ATP1A2: variants seen among roughly 807,000 people sequenced by gnomAD.
The protein encoded by ATP1A2 is sodium/potassium-transporting ATPase subunit alpha-2.
ATP1A2 carries 56 observed loss-of-function variants against 113.1 expected under a neutral mutation model. The observed-to-expected ratio is 0.49, with a 90% CI of 0.40 to 0.62. The LOEUF (loss-of-function observed/expected upper bound fraction) is 0.62, where lower values mean the gene tolerates loss of function less well. Ranked by LOEUF, ATP1A2 falls within the 20% of genes least tolerant of loss-of-function variation. The probability of loss-of-function intolerance (pLI) is 0.00; values close to 1 mark genes in which losing one functional copy is unlikely to be tolerated. For synonymous variants in ATP1A2, 490 were observed against 526.8 expected (o/e 0.93, Z 0.96); for missense variants, 712 against 1,357.8 (o/e 0.52, Z 7.47).
rs778274408 is a variant in ATP1A2, at chr1:160,130,186, T to G, written c.1546T>G (p.Ser516Ala). The change falls in exon 12 of 23, where the codon TCC becomes GCC. Residue 516 changes from serine (S) to alanine (A), a missense_variant. Physicochemically the swap from Ser to Ala is moderately conservative, Grantham distance 99. Coordinates refer to ENST00000361216, the MANE Select transcript of ATP1A2 (RefSeq NM_000702.4). ...GAPERILDRC[S>A]TILVQGKEIP... ...CCCAGAGCGCATTCTGGACCGGTGC[T>G]CCACCATCCTGGTGCAGGGCAAGGA... is the stretch of plus-strand genomic sequence containing the variant. The G allele has an allele frequency of 3.7e-6, 6 of 1,614,192 alleles. No individual in the cohort carries two copies. The highest frequency in any genetic ancestry group is 1.6e-4 in the Middle Eastern group (1 of 6,062).
intron 22 of ATP1A2, chr1:160,140,843 CTTCTTTTTTTTTTTTTTT>C: frequency 6.3e-6 from 1 of 158,884 alleles, no homozygotes; most frequent in South Asian, 1.2e-4. Flanking sequence ...TCCCTTTCAC[CTTCTTTTTTTTTTTTTTT>C]TTTTTTTTTT....
At chr1:160,139,119 A>AT (rs1652052332) in intron 20 of ATP1A2, among the ~76,000 whole-genome samples, 1 of 152,204 alleles carries the variant, frequency 6.6e-6, no homozygotes, top group East Asian at 1.9e-4. Flanking sequence ...CTGCTTTTCA[A>AT]TTCTGATAAA....
chr1:160,141,440 A>G lies in ATP1A2; in HGVS notation c.*118A>G, dbSNP rs1570999487. 2 of 1,335,080 alleles carry G rather than the reference A, an allele frequency of 1.5e-6. No individual in the cohort carries two copies. The highest frequency in any genetic ancestry group is 2.3e-5 in the East Asian group (1 of 43,238). The allele number at this position is 1,335,080 out of a possible 1,614,324, so 82.7% of individuals were successfully genotyped here. A position where few individuals can be genotyped will look rare whatever the true frequency, so the allele number is the denominator to read the frequency against. On this transcript the variant is annotated 3_prime_UTR_variant, in exon 23 of 23. Coordinates refer to ENST00000361216, the MANE Select transcript of ATP1A2 (RefSeq NM_000702.4). ...ATTGGGTGGCAACATTTGGGGAGAG[A>G]TAATGAGGCAACTCAGCAGGCTAAG...
chr1:160,131,029 T>C (rs1453102374), intron 13 of ATP1A2, among the ~76,000 whole-genome samples: 1 of 152,136 alleles, frequency 6.6e-6, no homozygotes, highest in East Asian at 1.9e-4. Context: ...CCACTCAAGG[T>C]TCTCTTGTTC....
intron 3 of ATP1A2, 136 bp from the exon 4 acceptor site, chr1:160,123,077 G>A: frequency 1.0e-6 from 1 of 979,930 alleles, no homozygotes; most frequent in Non-Finnish European, 1.6e-6. Context: ...TCTCCTGATG[G>A]TCCCCCACCC....
At chr1:160,141,271 T>G in intron 22 of ATP1A2, 23 bp from the exon 23 acceptor site, 2 of 1,613,910 alleles carry the variant, frequency 1.2e-6, no homozygotes, top group Non-Finnish European at 1.7e-6. Context: ...TGCTGCAATC[T>G]CCACTCCCAA....
intron 13 of ATP1A2, among the ~76,000 whole-genome samples, chr1:160,132,463 C>T (rs369140732): frequency 2.6e-5 from 4 of 152,066 alleles, no homozygotes; most frequent in African/African-American, 9.7e-5. Flanking sequence ...ATAGTTCAGG[C>T]AAAGAATGAT....
At chr1:160,130,865 T>G (rs1651750213) in intron 13 of ATP1A2, among the ~76,000 whole-genome samples, 1 of 152,160 alleles carries the variant, frequency 6.6e-6, no homozygotes, top group African/African-American at 2.4e-5. Flanking sequence ...TACCCTTCCA[T>G]TCTGATTTGA....
At chr1:160,129,127 G>T in intron 10 of ATP1A2, 38 bp downstream of exon 10, 1 of 1,508,436 alleles carries the variant, frequency 6.6e-7, no homozygotes, top group South Asian at 1.1e-5. Flanking sequence ...TGTTTTGGGG[G>T]TGTCTCCAAA....
At chr1:160,139,793 C>A in intron 21 of ATP1A2, 52 bp downstream of exon 21, 1 of 1,612,210 alleles carries the variant, frequency 6.2e-7, no homozygotes, top group Non-Finnish European at 8.5e-7. Flanking sequence ...GCCTTCAGCC[C>A]CCTCCAGGAT....
chr1:160,120,767 C>T, intron 1 of ATP1A2, 139 bp from the exon 2 acceptor site: 1 of 828,950 alleles, frequency 1.2e-6, no homozygotes, highest in Non-Finnish European at 2.0e-6. Context: ...CCCTCACCCT[C>T]CATCCCCCCT....
At chr1:160,129,916 C>A (rs1437864718) in intron 11 of ATP1A2, among the ~76,000 whole-genome samples, 186 bp from the exon 12 acceptor site, 2 of 152,158 alleles carry the variant, frequency 1.3e-5, no homozygotes, top group African/African-American at 4.8e-5. Context: ...ACGGAGGTGG[C>A]TCTCAGGTTA....
chr1:160,122,780 C>T (rs759269668), intron 3 of ATP1A2, among the ~76,000 whole-genome samples: 22 of 152,012 alleles, frequency 1.4e-4, no homozygotes, highest in Non-Finnish European at 2.8e-4. Flanking sequence ...TATAATTGCA[C>T]CACTGCGCTC....
At chr1:160,136,140 C>G (rs903436773) in intron 17 of ATP1A2, 107 bp from the exon 18 acceptor site, 7 of 1,600,898 alleles carry the variant, frequency 4.4e-6, no homozygotes, top group Non-Finnish European at 5.1e-6. Flanking sequence ...TCTGAATACA[C>G]GCTTTTTTAA....
chr1:160,124,552 A>G, intron 6 of ATP1A2, 122 bp downstream of exon 6: 1 of 1,450,904 alleles, frequency 6.9e-7, no homozygotes, highest in Non-Finnish European at 9.4e-7. Context: ...CACCATGCCT[A>G]TGCCCCTGCT....
In ATP1A2 at chr1:160,127,443, G is replaced by A. The variant is rs974831144; in HGVS notation, c.749-109G>A. The A allele has an allele frequency of 1.6e-4, 244 of 1,522,230 alleles. No homozygotes were observed. In the Middle Eastern group the frequency reaches 1.6e-3, roughly 10 times the overall value. The allele number at this position is 1,522,230 out of a possible 1,614,324, so 94.3% of individuals were successfully genotyped here. A position where few individuals can be genotyped will look rare whatever the true frequency, so the allele number is the denominator to read the frequency against. ...TACTGAATGTGGCCTCCAGATCTGC[G>A]GCTTTGGCTCACCTATCCTGTGATG... On this transcript the variant is annotated intron_variant, in intron 7 of 22. Transcript: ENST00000361216.
At chr1:160,122,343 T>C (rs1369769960) in intron 3 of ATP1A2, among the ~76,000 whole-genome samples, 2 of 151,976 alleles carry the variant, frequency 1.3e-5, no homozygotes, top group East Asian at 3.9e-4. Flanking sequence ...ACTTTGTTGG[T>C]CTTGTCCATC....
intron 20 of ATP1A2, among the ~76,000 whole-genome samples, chr1:160,137,556 A>T (rs1361429805): frequency 6.6e-6 from 1 of 152,204 alleles, no homozygotes; most frequent in Admixed American, 6.5e-5. Context: ...CATGGATAAG[A>T]GGCCCCAAAC....
In ATP1A2 at chr1:160,140,846, C is replaced by CTTTTTTTTTTTTT. The variant is rs1045304439; in HGVS notation, c.3035-431_3035-419dup. The stretch of plus-strand genomic sequence containing the variant: ...ACCTCCTTCTCCTCCCTTTCACCTT[C>CTTTTTTTTTTTTT]TTTTTTTTTTTTTTTTTTTTTTTTT... On this transcript the variant is annotated intron_variant, in intron 22 of 22. Transcript: ENST00000361216. The CTTTTTTTTTTTTT allele has an allele frequency of 5.8e-5, 5 of 86,904 alleles. 1 individual carries two copies. The highest frequency in any genetic ancestry group is 2.8e-4 in the African/African-American group (5 of 18,066). 5.4% of individuals were successfully genotyped at this position (86,904 alleles called of 1,614,324 possible).
Sources: gnomAD v4.1 joint callset for allele counts (sites outside exome capture counted in the v4.1 genomes callset) on GRCh38, gnomAD v4.1.1 for gene constraint, MANE v1.5 for transcripts, NCBI Gene and HGNC (gene_info 2026-07-23, HGNC 2026-07-21) for gene names.